Variants in SGO2 observed in about 807,000 individuals in gnomAD.
The protein encoded by SGO2 is shugoshin 2.
Under a neutral mutation model 99.5 loss-of-function variants are expected in SGO2, and 68 were observed. The ratio of observed to expected loss-of-function variants is 0.68; its 90% CI spans 0.56 to 0.84. The LOEUF (loss-of-function observed/expected upper bound fraction) is 0.84, where lower values mean the gene tolerates loss of function less well. SGO2 is among the 40% of genes least tolerant of loss of function. The pLI, the probability that SGO2 is intolerant of heterozygous loss-of-function variation, is 0.00. For synonymous variants in SGO2, 457 were observed against 487.1 expected, an observed-to-expected ratio of 0.94 and a Z score of 0.81; for missense variants, 1,350 against 1,436.7, an observed-to-expected ratio of 0.94 and a Z score of 0.97.
intron 8 of SGO2, chr2:200,580,600 G>A (rs971784505): frequency 3.1e-6 from 1 of 321,732 alleles, no homozygotes; most frequent in Non-Finnish European, 6.1e-6. Flanking sequence ...GGGTGGCTGA[G>A]GTGAGAGGAT....
chr2:200,569,535 T>C lies in SGO2; in HGVS notation c.474-128T>C, dbSNP rs2033311679. 5.9e-6 allele frequency: 4 copies of C among 682,588 alleles called. No homozygotes were observed. The Admixed American group carries it at 9.2e-5, about 16-fold the overall frequency. 42.3% of individuals were successfully genotyped at this position (682,588 alleles called of 1,614,324 possible). A position where few individuals can be genotyped will look rare whatever the true frequency, so the allele number is the denominator to read the frequency against. On this transcript the variant is annotated intron_variant, in intron 5 of 8. Transcript: ENST00000357799. ...CATTTCCTACCTTTAAGTGTCTTCATTGAACTTGAAAAAGTACCAGGTGGA... is the reference window on the plus strand; with the variant it reads ...CATTTCCTACCTTTAAGTGTCTTCACTGAACTTGAAAAAGTACCAGGTGGA...
At chr2:200,547,434 T>A (rs1364546667) in intron 5 of SGO2, among the ~76,000 whole-genome samples, 1 of 152,168 alleles carries the variant, frequency 6.6e-6, no homozygotes, top group Non-Finnish European at 1.5e-5. Flanking sequence ...AAAAGGAAAC[T>A]TTTTAAGGTA....
chr2:200,548,797 A>G (rs1309654724), intron 5 of SGO2, among the ~76,000 whole-genome samples: 1 of 152,212 alleles, frequency 6.6e-6, no homozygotes, highest in East Asian at 1.9e-4. Flanking sequence ...TAATTATTAG[A>G]GACGATTATG....
intron 7 of SGO2, 105 bp downstream of exon 7, chr2:200,574,082 G>A: frequency 1.2e-6 from 1 of 867,978 alleles, no homozygotes; most frequent in South Asian, 2.2e-5. Context: ...GTATTTTTAT[G>A]GAATTTAAAA....
Position 200,569,352 on chromosome 2 carries a change from G to A in SGO2, c.474-311G>A, listed in dbSNP as rs537026021. On this transcript the variant is annotated intron_variant, in intron 5 of 8. Coordinates refer to ENST00000357799, the MANE Select transcript of SGO2 (RefSeq NM_152524.6). Reference sequence around the variant, plus strand: ...AAAAGTATAAATATTATACATGGCTGTTTGTAAGTACATTTGAACTTTTTT... The same window carrying A: ...AAAAGTATAAATATTATACATGGCTATTTGTAAGTACATTTGAACTTTTTT... 2.0e-5 allele frequency among the ~76,000 whole-genome samples: 3 copies of A among 152,198 alleles called. No homozygotes were observed. The East Asian group carries it at 5.8e-4, about 29-fold the overall frequency.
At position 200,571,820 on chromosome 2, in the gene SGO2, A is replaced by G; in HGVS notation, c.1474A>G (p.Lys492Glu). The G allele has an allele frequency of 6.2e-7, 1 of 1,613,372 alleles. No homozygotes were observed. Among genetic ancestry groups the G allele is most frequent in the Non-Finnish European group, 8.5e-7 (1 of 1,179,612 alleles). ...GDRENVLCNK[K>E]EKRITNEQEE... ...CAGAGAAAATGTACTGTGTAATAAAAAGGAGAAAAGAATAACAAATGAGCA... is the reference window on the plus strand; with the variant it reads ...CAGAGAAAATGTACTGTGTAATAAAGAGGAGAAAAGAATAACAAATGAGCA... Residue 492 changes from lysine (K) to glutamate (E), a missense_variant, in exon 7 of 9, where the codon AAG becomes GAG. Transcript: ENST00000357799.
chr2:200,575,589 A>G (rs2033628157), intron 8 of SGO2, 128 bp downstream of exon 8: 1 of 631,926 alleles, frequency 1.6e-6, no homozygotes. Flanking sequence ...TAACAACCAC[A>G]GTATGATTTG....
rs756478363 is a variant in SGO2, at chr2:200,571,064, T to C, written c.718T>C (p.Ser240Pro). 1.3e-6 allele frequency: 2 copies of C among 1,573,484 alleles called. No homozygotes were observed. Among genetic ancestry groups the C allele is most frequent in the Admixed American group, 2.0e-5 (1 of 51,224 alleles). ...DVPPRESHSH[S>P]DQSSKTSLMS... The stretch of plus-strand genomic sequence containing the variant: ...TTTCTTAATAGAAAGCCATTCCCAC[T>C]CAGACCAAAGTTCTAAGACTTCTCT... The change falls in exon 7 of 9, where the codon TCA becomes CCA. Residue 240 changes from serine (S) to proline (P), a missense_variant. By Grantham distance (74) the Ser-to-Pro change is moderately conservative. Coordinates refer to ENST00000357799, the MANE Select transcript of SGO2 (RefSeq NM_152524.6).
intron 4 of SGO2, 131 bp downstream of exon 4, chr2:200,536,273 T>G (rs2031687794): frequency 2.0e-6 from 1 of 493,074 alleles, no homozygotes; most frequent in African/African-American, 1.9e-5. Context: ...AATATCAGTT[T>G]TAACTGGCTA....
intron 5 of SGO2, among the ~76,000 whole-genome samples, chr2:200,567,202 A>G (rs570444310): frequency 2.0e-5 from 3 of 152,294 alleles, no homozygotes; most frequent in South Asian, 4.1e-4. Context: ...CTATTTGGTC[A>G]TCTTGGAACC....
chr2:200,567,046 A>G lies in SGO2; in HGVS notation c.474-2617A>G, dbSNP rs376118088. Among the ~76,000 whole-genome samples the G allele has an allele frequency of 1.5e-3, 231 of 152,274 alleles. 1 individual carries two copies. The highest frequency in any genetic ancestry group is 5.2e-3 in the African/African-American group (217 of 41,546). ...GTGAGGCGATGCCTTGCAGTGCTTC[A>G]GTTCACACTCCGTGGGCTGCACCCA... On this transcript the variant is annotated intron_variant, in intron 5 of 8. Transcript: ENST00000357799.
intron 7 of SGO2, among the ~76,000 whole-genome samples, chr2:200,574,875 T>C (rs1258687624): frequency 1.3e-5 from 2 of 151,990 alleles, no homozygotes; most frequent in African/African-American, 4.8e-5. Context: ...ATTATTTCAA[T>C]ATATGTGTGT....
At chr2:200,549,645 AC>A (rs1257675978) in intron 5 of SGO2, among the ~76,000 whole-genome samples, 1 of 152,194 alleles carries the variant, frequency 6.6e-6, no homozygotes, top group Non-Finnish European at 1.5e-5. Context: ...AGAAACAAGA[AC>A]AAAAACTGTA....
Position 200,573,089 on chromosome 2 carries a change from G to A in SGO2, c.2743G>A (p.Glu915Lys). Residue 915 changes from glutamate (E) to lysine (K), a missense_variant, in exon 7 of 9, where the codon GAA becomes AAA. Glu to Lys is a moderately conservative substitution (Grantham distance 56, BLOSUM62 1). Coordinates refer to ENST00000357799, the MANE Select transcript of SGO2 (RefSeq NM_152524.6). Reference protein sequence around the residue: ...KLRNKVNWKTEIISEMNQIYE... With the variant: ...KLRNKVNWKTKIISEMNQIYE... ...CAGGAATAAAGTGAATTGGAAGACA[G>A]AAATAATTTCTGAAATGAACCAGAT... is the stretch of plus-strand genomic sequence containing the variant. 6.3e-7 allele frequency: 1 copy of A among 1,579,804 alleles called. No homozygotes were observed. The highest frequency in any genetic ancestry group is 1.2e-5 in the South Asian group (1 of 83,120).
chr2:200,576,504 A>T (rs1199466140), intron 8 of SGO2, among the ~76,000 whole-genome samples: 4 of 152,166 alleles, frequency 2.6e-5, no homozygotes, highest in Non-Finnish European at 5.9e-5. Context: ...TTGAATTCGG[A>T]GGCAGATGTT....
intron 5 of SGO2, among the ~76,000 whole-genome samples, chr2:200,558,958 G>A (rs1206030296): frequency 4.0e-5 from 6 of 151,764 alleles, no homozygotes; most frequent in Non-Finnish European, 8.8e-5. Context: ...GCTCGCCAAC[G>A]CGCCCAGCTA....
chr2:200,542,964 G>C (rs2032033116), intron 5 of SGO2: 3 of 189,434 alleles, frequency 1.6e-5, no homozygotes, highest in South Asian at 1.3e-4. Context: ...TCTGATGACT[G>C]TTTCTACCTT....
At chr2:200,557,994 G>T (rs1195336956) in intron 5 of SGO2, among the ~76,000 whole-genome samples, 2 of 151,580 alleles carry the variant, frequency 1.3e-5, no homozygotes, top group Non-Finnish European at 2.9e-5. Context: ...CTCCTGAGTA[G>T]CTGGGACTAC....
In SGO2 at chr2:200,565,404, G is replaced by A. The variant is rs530118312; in HGVS notation, c.474-4259G>A. ...GAATATTGGCCCCCACTCTCTTCTG[G>A]CTTGTAGAGTTTCTGCTGAGAGTTC... On this transcript the variant is annotated intron_variant, in intron 5 of 8. Transcript: ENST00000357799. Among the ~76,000 whole-genome samples the A allele has an allele frequency of 2.8e-4, 43 of 152,270 alleles. No homozygotes were observed. In the East Asian group the frequency reaches 7.7e-3, roughly 27 times the overall value.
Sources: allele counts gnomAD v4.1 joint callset (sites outside exome capture counted in the v4.1 genomes callset), GRCh38; gene constraint gnomAD v4.1.1; transcripts MANE v1.5; gene names NCBI Gene and HGNC (gene_info 2026-07-23, HGNC 2026-07-21).